The following CABCOCO1 variants were observed in gnomAD, a reference collection of about 807,000 sequenced individuals.
CABCOCO1 encodes the protein ciliary associated calcium binding coiled-coil 1.
A neutral mutation model predicts 35.7 loss-of-function variants in CABCOCO1; 28 were observed. The observed-to-expected ratio is 0.78, with a 90% CI of 0.58 to 1.07. CABCOCO1 has a LOEUF of 1.07. CABCOCO1 is among the 50% of genes least tolerant of loss of function. The probability of loss-of-function intolerance (pLI) is 0.00; values close to 1 mark genes in which losing one functional copy is unlikely to be tolerated. For synonymous variants in CABCOCO1, 95 were observed against 100.1 expected, an observed-to-expected ratio of 0.95 and a Z score of 0.30; for missense variants, 326 against 309.2, an observed-to-expected ratio of 1.05 and a Z score of -0.41.
At chr10:61,701,554 C>A in intron 5 of CABCOCO1, 1 of 815,772 alleles carries the variant, frequency 1.2e-6, no homozygotes, top group Non-Finnish European at 1.5e-6. Context: ...ATTATCTGGC[C>A]AATAGATGGC....
At chr10:61,674,733 A>C (rs4547048) in intron 2 of CABCOCO1, among the ~76,000 whole-genome samples, 125,936 of 152,110 alleles carry the variant, frequency 0.83, 52,653 homozygotes, top group Middle Eastern at 0.95. Flanking sequence ...AGCAGCCAAC[A>C]AAATGAAACA....
chr10:61,713,945 A>G (rs1698859657), intron 5 of CABCOCO1, among the ~76,000 whole-genome samples: 1 of 152,178 alleles, frequency 6.6e-6, no homozygotes, highest in African/African-American at 2.4e-5. Flanking sequence ...ATCGATGTTC[A>G]TCAGGGATAT....
intron 7 of CABCOCO1, among the ~76,000 whole-genome samples, chr10:61,762,994 C>T (rs763769064): frequency 3.9e-5 from 6 of 152,012 alleles, no homozygotes; most frequent in Non-Finnish European, 8.8e-5. Flanking sequence ...TCCAGTGTTC[C>T]TGGCTCTAAG....
chr10:61,703,926 C>G (rs1455798702), intron 5 of CABCOCO1, among the ~76,000 whole-genome samples: 1 of 151,976 alleles, frequency 6.6e-6, no homozygotes, highest in Non-Finnish European at 1.5e-5. Flanking sequence ...AAAATATGTG[C>G]AAAGGTCAGG....
intron 7 of CABCOCO1, 133 bp from the exon 8 acceptor site, chr10:61,765,806 A>C: frequency 1.4e-6 from 1 of 716,004 alleles, no homozygotes; most frequent in Middle Eastern, 4.0e-4. Flanking sequence ...AAACACAGCT[A>C]TGTCTGCAAA....
At chr10:61,665,302 A>G (rs1384048434) in intron 1 of CABCOCO1, among the ~76,000 whole-genome samples, 2 of 152,192 alleles carry the variant, frequency 1.3e-5, no homozygotes, top group Non-Finnish European at 2.9e-5. Flanking sequence ...ATCTAGAGAA[A>G]TTATTTTTTC....
In CABCOCO1 at chr10:61,680,610, TGTTATACATAACATATAC is replaced by T. The variant is rs1156957313; in HGVS notation, c.165-532_165-515del. ...TAACATATGTTATACATGTATAACA[TGTTATACATAACATATAC>T]ATGTTATACATATATAATATATATT... On this transcript the variant is annotated intron_variant, in intron 2 of 7. Transcript: ENST00000648843. Among the ~76,000 whole-genome samples, 43 of 65,934 alleles carry T rather than the reference TGTTATACATAACATATAC, an allele frequency of 6.5e-4. 5 individuals are homozygous for T. The South Asian group carries it at 0.02, about 30-fold the overall frequency. The allele number at this position is 65,934 out of a possible 152,430, so 43.3% of individuals were successfully genotyped here.
At chr10:61,744,866 T>C (rs191765553) in intron 5 of CABCOCO1, among the ~76,000 whole-genome samples, 6 of 152,278 alleles carry the variant, frequency 3.9e-5, no homozygotes, top group Admixed American at 2.0e-4. Context: ...AAATAAAATA[T>C]GGCAAACACT....
Position 61,686,109 on chromosome 10 carries a change from C to A in CABCOCO1, c.403C>A (p.His135Asn), listed in dbSNP as rs751257410. 7 of 1,608,330 alleles carry A rather than the reference C, an allele frequency of 4.4e-6. No individual in the cohort carries two copies. The highest frequency in any genetic ancestry group is 2.7e-5 in the African/African-American group (2 of 74,694). Reference sequence around the variant, plus strand: ...AGTTATGGCTGAAATAGGACCAACACATTCGCAAAAGAGTGAGGACTGGAA... The same window carrying A: ...AGTTATGGCTGAAATAGGACCAACAAATTCGCAAAAGAGTGAGGACTGGAA... ...GEVMAEIGPTHSQKSEDWNIF... is the reference protein window; with the variant it reads ...GEVMAEIGPTNSQKSEDWNIF... Residue 135 changes from histidine to asparagine, a missense_variant, in exon 4 of 8, where the codon CAT (histidine) becomes AAT (asparagine). Coordinates refer to ENST00000648843, the MANE Select transcript of CABCOCO1 (RefSeq NM_001366906.2).
rs375778353 is a variant in CABCOCO1 at position 61,685,142 on chromosome 10, G to C, written c.335-899G>C. The C allele has an allele frequency of 1.4e-4, 22 of 152,164 alleles. No individual in the cohort carries two copies. The South Asian group carries it at 3.9e-3, about 27-fold the overall frequency. 9.4% of individuals were successfully genotyped at this position (152,164 alleles called of 1,614,324 possible). A position where few individuals can be genotyped will look rare whatever the true frequency, so the allele number is the denominator to read the frequency against. ...GATATTTGAGAAACAGCTTACATGA[G>C]TTATAAGTCTGTGGCTGTGGAAAAG... On this transcript the variant is annotated intron_variant, in intron 3 of 7. Coordinates refer to ENST00000648843, the MANE Select transcript of CABCOCO1 (RefSeq NM_001366906.2).
rs544644319 is a variant in CABCOCO1 at position 61,681,077 on chromosome 10, A to G, written c.165-66A>G. On this transcript the variant is annotated intron_variant, in intron 2 of 7. Coordinates refer to ENST00000648843, the MANE Select transcript of CABCOCO1 (RefSeq NM_001366906.2). Reference sequence around the variant, plus strand: ...TTAAAGAAAAAGACCTGTTTTCAAAACTTAGGAAAGAAATGGTTCAATATC... The same window carrying G: ...TTAAAGAAAAAGACCTGTTTTCAAAGCTTAGGAAAGAAATGGTTCAATATC... The G allele has an allele frequency of 2.8e-5, 29 of 1,024,716 alleles. No homozygotes were observed. The South Asian group carries it at 6.1e-4, about 22-fold the overall frequency. The allele number at this position is 1,024,716 out of a possible 1,614,324, so 63.5% of individuals were successfully genotyped here.
chr10:61,680,629 ATGT>A (rs1839722855), intron 2 of CABCOCO1, among the ~76,000 whole-genome samples: 2 of 78,242 alleles, frequency 2.6e-5, no homozygotes, highest in African/African-American at 8.0e-5. Flanking sequence ...TAACATATAC[ATGT>A]TATACATATA....
chr10:61,715,277 T>G (rs1247263386), intron 5 of CABCOCO1, among the ~76,000 whole-genome samples: 1 of 152,202 alleles, frequency 6.6e-6, no homozygotes, highest in Non-Finnish European at 1.5e-5. Context: ...TGGCCTTCTT[T>G]GTCTCTTTTA....
At chr10:61,755,961 G>C (rs188139461) in intron 5 of CABCOCO1, among the ~76,000 whole-genome samples, 1 of 152,074 alleles carries the variant, frequency 6.6e-6, no homozygotes, top group African/African-American at 2.4e-5. Flanking sequence ...TGTTCCAAGA[G>C]AGTTCAAAAT....
chr10:61,729,218 G>A (rs2132051846), intron 5 of CABCOCO1, among the ~76,000 whole-genome samples: 1 of 152,254 alleles, frequency 6.6e-6, no homozygotes, highest in Admixed American at 6.5e-5. Context: ...TTCACTTTGA[G>A]ATTCTGATTA....
intron 4 of CABCOCO1, among the ~76,000 whole-genome samples, chr10:61,689,256 A>G (rs1469342020): frequency 1.3e-5 from 2 of 152,156 alleles, no homozygotes; most frequent in African/African-American, 2.4e-5. Flanking sequence ...GGCTTTCTCT[A>G]GGTAACCAGC....
intron 5 of CABCOCO1, among the ~76,000 whole-genome samples, chr10:61,743,729 CTCTG>C (rs1256148546): frequency 1.8e-4 from 28 of 152,144 alleles, no homozygotes; most frequent in Admixed American, 1.4e-3. Context: ...ATGCCACTTC[CTCTG>C]TCTGTCTGTC....
intron 5 of CABCOCO1, among the ~76,000 whole-genome samples, chr10:61,709,668 C>T (rs1335012683): frequency 6.6e-6 from 1 of 150,852 alleles, no homozygotes; most frequent in African/African-American, 2.4e-5. Flanking sequence ...CGCTGTTTGC[C>T]TGACTTACTT....
At chr10:61,757,559 A>T (rs1178266324) in intron 5 of CABCOCO1, among the ~76,000 whole-genome samples, 1 of 152,086 alleles carries the variant, frequency 6.6e-6, no homozygotes, top group African/African-American at 2.4e-5. Context: ...GGCTACACTC[A>T]TAAAAATCAA....
Sources: allele counts gnomAD v4.1 joint callset (sites outside exome capture counted in the v4.1 genomes callset), GRCh38; gene constraint gnomAD v4.1.1; transcripts MANE v1.5; gene names NCBI Gene and HGNC (gene_info 2026-07-23, HGNC 2026-07-21).